The following NUP133 variants were observed in gnomAD, a reference collection of about 807,000 sequenced individuals.
The protein encoded by NUP133 is nucleoporin 133.
NUP133 carries 66 observed loss-of-function variants against 146.2 expected under a neutral mutation model. The observed-to-expected ratio is 0.45, with a 90% CI of 0.37 to 0.55. The LOEUF (loss-of-function observed/expected upper bound fraction) is 0.55. Among genes scored for constraint, NUP133 ranks in the 20% least tolerant of loss-of-function variants. NUP133 has a pLI of 0.00. For missense variants in NUP133, 1,277 were observed against 1,374.8 expected, an observed-to-expected ratio of 0.93 and a Z score of 1.12; for synonymous variants, 521 against 498.8, an observed-to-expected ratio of 1.04 and a Z score of -0.59.
chr1:229,471,605 G>C (rs1483325144), intron 14 of NUP133, among the ~76,000 whole-genome samples: 6 of 152,142 alleles, frequency 3.9e-5, no homozygotes, highest in Non-Finnish European at 8.8e-5. Context: ...CCTGTGTTAT[G>C]ATCTTCTAGG....
intron 22 of NUP133, among the ~76,000 whole-genome samples, chr1:229,451,517 C>A (rs1322883498): frequency 6.6e-6 from 1 of 152,226 alleles, no homozygotes; most frequent in East Asian, 1.9e-4. Context: ...CAGCTGACTG[C>A]ATACTCATTT....
At chr1:229,465,297 A>G (rs1660787300) in intron 17 of NUP133, 123 bp downstream of exon 17, 8 of 736,332 alleles carry the variant, frequency 1.1e-5, no homozygotes, top group Non-Finnish European at 1.9e-5. Context: ...AGAGCTGCTC[A>G]TTTTGGAGAC....
At chr1:229,466,543 C>T (rs1055599930) in intron 16 of NUP133, 91 bp downstream of exon 16, 9 of 1,372,374 alleles carry the variant, frequency 6.6e-6, no homozygotes, top group Middle Eastern at 1.9e-4. Flanking sequence ...TATACATTAT[C>T]GGCAATACAG....
intron 22 of NUP133, among the ~76,000 whole-genome samples, chr1:229,451,642 T>A (rs1660452552): frequency 6.6e-6 from 1 of 152,340 alleles, no homozygotes; most frequent in East Asian, 1.9e-4. Context: ...TTTCATTTTT[T>A]AAAAATTGTA....
chr1:229,479,353 A>C (rs1661152665), intron 12 of NUP133, among the ~76,000 whole-genome samples: 1 of 152,246 alleles, frequency 6.6e-6, no homozygotes, highest in African/African-American at 2.4e-5. Context: ...CACAGTTCAA[A>C]GCCGTGTTGT....
rs1660939245 is a variant in NUP133 at position 229,470,815 on chromosome 1, G to A, written c.1852-11C>T. 3 of 1,610,432 alleles carry A rather than the reference G, an allele frequency of 1.9e-6. No homozygotes were observed. The highest frequency in any genetic ancestry group is 2.7e-5 in the African/African-American group (2 of 74,826). On this transcript the variant is annotated splice_polypyrimidine_tract_variant and intron_variant, in intron 14 of 25. Transcript: ENST00000261396. ...TCCAAATAAGCCAACCTTGCAAAAA[G>A]GCAAACACATATTCTCAGAAAGCAA...
intron 24 of NUP133, among the ~76,000 whole-genome samples, chr1:229,446,860 C>T (rs1660313718): frequency 6.6e-6 from 1 of 152,168 alleles, no homozygotes; most frequent in Non-Finnish European, 1.5e-5. Flanking sequence ...GGCATGGTGG[C>T]TCACGTCTGT....
Position 229,456,745 on chromosome 1 carries a change from A to G in NUP133, c.2980+1416T>C, listed in dbSNP as rs538286567. Among the ~76,000 whole-genome samples, 12 of 151,360 alleles carry G rather than the reference A, an allele frequency of 7.9e-5. No individual in the cohort carries two copies. In the East Asian group the frequency reaches 1.9e-3, roughly 24 times the overall value. ...AAATGTATATATATGTGTATTGTGT[A>G]TATATATATACACACAATTTTATAT... On this transcript the variant is annotated intron_variant, in intron 21 of 25. Transcript: ENST00000261396.
At chr1:229,454,192 AG>A (rs1156599307) in intron 21 of NUP133, among the ~76,000 whole-genome samples, 1 of 152,102 alleles carries the variant, frequency 6.6e-6, no homozygotes, top group Non-Finnish European at 1.5e-5. Context: ...CCATTGGATG[AG>A]GTAACAGGGG....
At chr1:229,507,193 C>T (rs2102790773) in intron 1 of NUP133, among the ~76,000 whole-genome samples, 1 of 152,308 alleles carries the variant, frequency 6.6e-6, no homozygotes, top group South Asian at 2.1e-4. Flanking sequence ...ACAAGATCAG[C>T]ACTTTGAAAA....
intron 20 of NUP133, among the ~76,000 whole-genome samples, chr1:229,458,711 ATTTTT>A (rs11444377): frequency 1.5e-5 from 2 of 133,066 alleles, no homozygotes; most frequent in Admixed American, 7.8e-5. Context: ...GATGGACTAC[ATTTTT>A]TTTTTTTTTT....
At chr1:229,471,327 TTGGCCACAAGATCTCC>T (rs1416010304) in intron 14 of NUP133, among the ~76,000 whole-genome samples, 3 of 152,268 alleles carry the variant, frequency 2.0e-5, no homozygotes, top group Admixed American at 6.5e-5. Flanking sequence ...CAGGCTGATC[TTGGCCACAAGATCTCC>T]TGGCCACAAG....
intron 9 of NUP133, 128 bp downstream of exon 9, chr1:229,489,827 G>T: frequency 1.3e-6 from 1 of 747,286 alleles, no homozygotes; most frequent in South Asian, 3.0e-5. Context: ...AGTGAGCTGA[G>T]ATCAAGCCAC....
chr1:229,500,503 C>T (rs529052156), intron 4 of NUP133, among the ~76,000 whole-genome samples: 1 of 152,132 alleles, frequency 6.6e-6, no homozygotes, highest in African/African-American at 2.4e-5. Context: ...GAAAAATCAT[C>T]GTCAAAAACC....
intron 8 of NUP133, among the ~76,000 whole-genome samples, chr1:229,493,977 A>C (rs1325403108): frequency 6.6e-6 from 1 of 152,084 alleles, no homozygotes; most frequent in Admixed American, 6.6e-5. Flanking sequence ...CTAAAAATAC[A>C]AAAACTAGCC....
At chr1:229,459,703 T>G (rs1660650119) in intron 20 of NUP133, among the ~76,000 whole-genome samples, 1 of 152,244 alleles carries the variant, frequency 6.6e-6, no homozygotes, top group Non-Finnish European at 1.5e-5. Flanking sequence ...TCCTTCTTTC[T>G]TAAGGCTATT....
chr1:229,495,533 T>G lies in NUP133; in HGVS notation c.1008A>C (p.Glu336Asp), dbSNP rs780460488. 6 of 1,611,750 alleles carry G rather than the reference T, an allele frequency of 3.7e-6. No individual in the cohort carries two copies. Among genetic ancestry groups the G allele is most frequent in the South Asian group, 1.1e-5 (1 of 91,016 alleles). Residue 336 changes from glutamate to aspartate, a missense_variant, in exon 8 of 26, where the codon GAA becomes GAC. Coordinates refer to ENST00000261396, the MANE Select transcript of NUP133 (RefSeq NM_018230.3). ...AGTCCAAATATCGAATGTTGACTCC[T>G]TCTTTAATAGCTTCATAGTTACTTT... ...GSESNYEAIK[E>D]GVNIRYLDLK...
intron 24 of NUP133, among the ~76,000 whole-genome samples, chr1:229,447,611 G>C (rs1290029678): frequency 6.6e-6 from 1 of 151,988 alleles, no homozygotes; most frequent in Non-Finnish European, 1.5e-5. Flanking sequence ...AGGGAAGAGG[G>C]GCTGAAGGTT....
At chr1:229,480,038 G>A (rs888328849) in intron 12 of NUP133, among the ~76,000 whole-genome samples, 1 of 152,240 alleles carries the variant, frequency 6.6e-6, no homozygotes, top group African/African-American at 2.4e-5. Flanking sequence ...GTAGTCTTAA[G>A]TGAAGCAGGA....
Sources: gnomAD v4.1 joint callset for allele counts (sites outside exome capture counted in the v4.1 genomes callset) on GRCh38, gnomAD v4.1.1 for gene constraint, MANE v1.5 for transcripts, NCBI Gene and HGNC (gene_info 2026-07-23, HGNC 2026-07-21) for gene names.